The following NPC1L1 variants were observed in gnomAD, a reference collection of about 807,000 sequenced individuals.
NPC1L1 encodes NPC1 like intracellular cholesterol transporter 1.
A neutral mutation model predicts 117.0 loss-of-function variants in NPC1L1; 98 were observed. The ratio of observed to expected loss-of-function variants is 0.84; its 90% CI spans 0.71 to 0.99. NPC1L1 has a LOEUF of 0.99. Ranked by LOEUF, NPC1L1 falls within the 50% of genes least tolerant of loss-of-function variation. The pLI, the probability that NPC1L1 is intolerant of heterozygous loss-of-function variation, is 0.00. For synonymous variants in NPC1L1, 729 were observed against 727.6 expected (o/e 1.00, Z -0.03); for missense variants, 1,540 against 1,710.0 (o/e 0.90, Z 1.75).
rs541106001 is a variant in NPC1L1, at chr7:44,537,370, G to A, written c.1581-428C>T. Among the ~76,000 whole-genome samples, 8 of 152,328 alleles carry A rather than the reference G, an allele frequency of 5.3e-5. No homozygotes were observed. The South Asian group carries it at 1.5e-3, about 28-fold the overall frequency. On this transcript the variant is annotated intron_variant, in intron 2 of 18. Coordinates refer to ENST00000381160, the MANE Select transcript of NPC1L1 (RefSeq NM_001101648.2). Reference sequence around the variant, plus strand: ...GTGGAAGAGCTGGGATTTGAGCCATGGGGTCTGGCATGGGCTGTCTCAAAC... The same window carrying A: ...GTGGAAGAGCTGGGATTTGAGCCATAGGGTCTGGCATGGGCTGTCTCAAAC...
At chr7:44,518,149 CT>C (rs796126462) in intron 14 of NPC1L1, among the ~76,000 whole-genome samples, 4 of 151,960 alleles carry the variant, frequency 2.6e-5, no homozygotes, top group African/African-American at 4.8e-5. Flanking sequence ...TTATTAAGAC[CT>C]TTATACAATA....
intron 14 of NPC1L1, chr7:44,518,570 G>A: frequency 2.5e-6 from 1 of 403,310 alleles, no homozygotes; most frequent in South Asian, 2.0e-5. Flanking sequence ...TAGGGAGGCT[G>A]AGGCAGGAGA....
rs746078925 is a variant in NPC1L1 at position 44,521,748 on chromosome 7, C to T, written c.2917G>A (p.Gly973Ser). 1.2e-6 allele frequency: 2 copies of T among 1,614,040 alleles called. No individual in the cohort carries two copies. The highest frequency in any genetic ancestry group is 1.3e-5 in the African/African-American group (1 of 74,902). ...PSSCCRLYIS[G>S]PNKDKFCPST... Reference sequence around the variant, plus strand: ...GGGCAGAACTTGTCCTTATTGGGGCCAGATATATAAAGGCGGCAGCAGGAG... The same window carrying T: ...GGGCAGAACTTGTCCTTATTGGGGCTAGATATATAAAGGCGGCAGCAGGAG... The change falls in exon 12 of 19, where the codon GGC (glycine) becomes AGC (serine). Residue 973 changes from glycine (G) to serine (S), a missense_variant. Gly to Ser is a moderately conservative substitution (Grantham distance 56, BLOSUM62 0). Around this residue, in one of 3 missense-constraint regions of NPC1L1, gnomAD observed 742 missense variants for 873.6 expected, o/e 0.85. Transcript: ENST00000381160.
At chr7:44,518,537 C>T (rs575611717) in intron 14 of NPC1L1, 73 of 296,294 alleles carry the variant, frequency 2.5e-4, no homozygotes, top group Middle Eastern at 1.3e-3. Context: ...AGCATAGTGG[C>T]ATGTGCCTGT....
At chr7:44,521,895 C>T (rs2117033598) in intron 11 of NPC1L1, 59 bp from the exon 12 acceptor site, 10 of 1,611,428 alleles carry the variant, frequency 6.2e-6, no homozygotes, top group Non-Finnish European at 7.6e-6. Flanking sequence ...GTGGGTCCTT[C>T]TCGTGGCCCA....
rs1563198658 is a variant in NPC1L1 at position 44,512,607 on chromosome 7, TC to T, written c.*839del. 2 of 152,436 alleles carry T rather than the reference TC, an allele frequency of 1.3e-5. No homozygotes were observed. The highest frequency in any genetic ancestry group is 6.5e-5 in the Admixed American group (1 of 15,294). The allele number at this position is 152,436 out of a possible 1,614,324, so 9.4% of individuals were successfully genotyped here. On this transcript the variant is annotated 3_prime_UTR_variant, in exon 19 of 19. Transcript: ENST00000381160. Reference sequence around the variant, plus strand: ...CCAGGATCTTCATCTCCACTGCAGTTCATGCTTCTGGAGAGCTGTCCAAAAG... The same window carrying T: ...CCAGGATCTTCATCTCCACTGCAGTTATGCTTCTGGAGAGCTGTCCAAAAG...
chr7:44,536,883 C>A lies in NPC1L1; in HGVS notation c.1640G>T (p.Gly547Val), dbSNP rs1259215852. ...GGCAAGGAAGGGGAAGACAGGGGCC[C>A]CGTAGTCAGCCATGCAGCTCAGGGC... ...ALALSCMADY[G>V]APVFPFLAIG... Residue 547 changes from glycine to valine, a missense_variant, in exon 3 of 19, where the codon GGG becomes GTG. By Grantham distance (109) the Gly-to-Val change is moderately radical. Around this residue, in one of 3 missense-constraint regions of NPC1L1, gnomAD observed 793 missense variants for 820.4 expected, o/e 0.97. Coordinates refer to ENST00000381160, the MANE Select transcript of NPC1L1 (RefSeq NM_001101648.2). This position sits in a 1 kb window ranked among gnomAD's most constrained non-coding sequence, Gnocchi z 4.7. The A allele has an allele frequency of 6.2e-7, 1 of 1,614,026 alleles. No homozygotes were observed. The highest frequency in any genetic ancestry group is 1.3e-5 in the African/African-American group (1 of 74,928).
chr7:44,527,864 G>A (rs547649958), intron 10 of NPC1L1, among the ~76,000 whole-genome samples: 12 of 152,104 alleles, frequency 7.9e-5, no homozygotes, highest in African/African-American at 1.4e-4. Flanking sequence ...TCGCTCTGTC[G>A]CCCAAGCTGG....
chr7:44,514,552 C>T (rs1801127901), intron 18 of NPC1L1, among the ~76,000 whole-genome samples: 1 of 152,074 alleles, frequency 6.6e-6, no homozygotes, highest in Admixed American at 6.6e-5. Context: ...ACCGATATCC[C>T]AGCTACTCGA....
In NPC1L1 at chr7:44,541,210, C is replaced by A. The variant is rs1178248146; in HGVS notation, c.50G>T (p.Arg17Leu). Residue 17 changes from arginine (R) to leucine (L), a missense_variant, in exon 1 of 19, where the codon CGC becomes CTC. This residue lies in a region of NPC1L1 where 793 missense variants were observed against 820.4 expected (regional missense o/e 0.97). Coordinates refer to ENST00000381160, the MANE Select transcript of NPC1L1 (RefSeq NM_001101648.2). ...GAGCCAAGCCCTGGGACTCACCAAGCGCAGGAGCAGGGCCCACAGCAGCCA... is the reference window on the plus strand; with the variant it reads ...GAGCCAAGCCCTGGGACTCACCAAGAGCAGGAGCAGGGCCCACAGCAGCCA... ...RGWLLWALLL[R>L]LAQSEPYTTI... 1.9e-6 allele frequency: 3 copies of A among 1,549,764 alleles called. No homozygotes were observed. The highest frequency in any genetic ancestry group is 2.6e-6 in the Non-Finnish European group (3 of 1,146,808).
intron 14 of NPC1L1, among the ~76,000 whole-genome samples, chr7:44,520,392 C>G (rs1801317730): frequency 6.6e-6 from 1 of 152,212 alleles, no homozygotes; most frequent in South Asian, 2.1e-4. Context: ...AGGCGCCCAG[C>G]CTCTTGTTAC....
intron 1 of NPC1L1, 150 bp from the exon 2 acceptor site, chr7:44,540,492 AT>A: frequency 1.4e-6 from 1 of 737,226 alleles, no homozygotes; most frequent in Non-Finnish European, 2.4e-6. Flanking sequence ...TCCTGGAGGC[AT>A]GTGCCAGCCA....
Position 44,534,562 on chromosome 7 carries a change from A to C in NPC1L1, c.2051T>G (p.Met684Arg). The change falls in exon 6 of 19, where the codon ATG becomes AGG. Residue 684 changes from methionine (M) to arginine (R), a missense_variant. Physicochemically the swap from Met to Arg is moderately conservative, Grantham distance 91 (BLOSUM62 -1). Coordinates refer to ENST00000381160, the MANE Select transcript of NPC1L1 (RefSeq NM_001101648.2). The surrounding 1 kb of genome is among the most constrained non-coding windows in gnomAD (Gnocchi z 5.2). ...AVVLGAVMAAMGFFSYLGIRS... is the reference protein window; with the variant it reads ...AVVLGAVMAARGFFSYLGIRS... ...GATACCCAAGTAGGAGAAGAAGCCCATGGCAGCCATGACTGCTCCCAGGAC... is the reference window on the plus strand; with the variant it reads ...GATACCCAAGTAGGAGAAGAAGCCCCTGGCAGCCATGACTGCTCCCAGGAC... 6.2e-7 allele frequency: 1 copy of C among 1,614,178 alleles called. No individual in the cohort carries two copies. Among genetic ancestry groups the C allele is most frequent in the Non-Finnish European group, 8.5e-7 (1 of 1,180,018 alleles).
In NPC1L1 at chr7:44,541,079, A is replaced by G. The variant is rs146890986; in HGVS notation, c.54+127T>C. ...CCTGGCATCCCTCATGTGTCCAGAGACTTGCCCAGCCCGCAGGCCCTGAGG... is the reference window on the plus strand; with the variant it reads ...CCTGGCATCCCTCATGTGTCCAGAGGCTTGCCCAGCCCGCAGGCCCTGAGG... On this transcript the variant is annotated intron_variant, in intron 1 of 18. Coordinates refer to ENST00000381160, the MANE Select transcript of NPC1L1 (RefSeq NM_001101648.2). The G allele has an allele frequency of 2.2e-3, 2,282 of 1,018,304 alleles. 31 individuals carry two copies. The African/African-American group carries it at 0.032, about 14-fold the overall frequency. The allele number at this position is 1,018,304 out of a possible 1,614,324, so 63.1% of individuals were successfully genotyped here.
intron 14 of NPC1L1, among the ~76,000 whole-genome samples, chr7:44,520,352 C>T (rs899310412): frequency 2.0e-5 from 3 of 152,142 alleles, no homozygotes; most frequent in Admixed American, 6.5e-5. Flanking sequence ...GAGATCCTCT[C>T]GCCTTGGCCT....
At chr7:44,514,877 G>C (rs1229118642) in intron 18 of NPC1L1, among the ~76,000 whole-genome samples, 1 of 151,562 alleles carries the variant, frequency 6.6e-6, no homozygotes, top group Non-Finnish European at 1.5e-5. Flanking sequence ...GCCAGGCGTG[G>C]TGGTGCGCAC....
intron 10 of NPC1L1, among the ~76,000 whole-genome samples, chr7:44,527,461 CA>C (rs1160435212): frequency 0.027 from 1,066 of 40,092 alleles, 4 homozygotes; most frequent in East Asian, 0.04. Context: ...AACAACTTCT[CA>C]AAAAAAAAAA....
At position 44,536,197 on chromosome 7, in the gene NPC1L1, G is replaced by T. The variant is rs959315979; in HGVS notation, c.1854+59C>A. The T allele has an allele frequency of 6.2e-7, 1 of 1,608,310 alleles. No individual in the cohort carries two copies. Among genetic ancestry groups the T allele is most frequent in the African/African-American group, 1.3e-5 (1 of 74,812 alleles). ...GGCCAGGGCCAGGATGGGGACACAGGAACTGACCCAAGACCACCTGGGTTG... is the reference window on the plus strand; with the variant it reads ...GGCCAGGGCCAGGATGGGGACACAGTAACTGACCCAAGACCACCTGGGTTG... On this transcript the variant is annotated intron_variant, in intron 4 of 18. Coordinates refer to ENST00000381160, the MANE Select transcript of NPC1L1 (RefSeq NM_001101648.2). This position sits in a 1 kb window ranked among gnomAD's most constrained non-coding sequence, Gnocchi z 4.7.
Position 44,515,791 on chromosome 7 carries a change from C to T in NPC1L1, c.3796+12G>A. The T allele has an allele frequency of 6.2e-7, 1 of 1,614,136 alleles. No individual in the cohort carries two copies. The highest frequency in any genetic ancestry group is 8.5e-7 in the Non-Finnish European group (1 of 1,180,012). On this transcript the variant is annotated intron_variant, in intron 18 of 18. Coordinates refer to ENST00000381160, the MANE Select transcript of NPC1L1 (RefSeq NM_001101648.2). Reference sequence around the variant, plus strand: ...TCATGACAGTCTGGTAGGAACAGGCCTGGGCACTCACCCACGTAGCTGAGG... The same window carrying T: ...TCATGACAGTCTGGTAGGAACAGGCTTGGGCACTCACCCACGTAGCTGAGG...
Sources: allele counts gnomAD v4.1 joint callset (sites outside exome capture counted in the v4.1 genomes callset), GRCh38; gene constraint gnomAD v4.1.1; regional missense constraint gnomAD v4.1.1; non-coding constraint Gnocchi (gnomAD v3.1); transcripts MANE v1.5; gene names NCBI Gene and HGNC (gene_info 2026-07-23, HGNC 2026-07-21).